Variants in YWHAB observed in about 807,000 individuals in gnomAD.
The protein encoded by YWHAB is 14-3-3 protein beta/alpha.
In YWHAB, 2 loss-of-function variants were observed where a neutral mutation model predicts 28.5. The ratio of observed to expected loss-of-function variants is 0.07; its 90% confidence interval spans 0.03 to 0.22. The LOEUF (loss-of-function observed/expected upper bound fraction) is 0.22, where lower values mean the gene tolerates loss of function less well. Among genes scored for constraint, YWHAB ranks in the 10% least tolerant of loss-of-function variants. The pLI is 1.00. For missense variants in YWHAB, 148 were observed against 297.1 expected, an observed-to-expected ratio of 0.50 and a Z score of 3.69; for synonymous variants, 103 against 104.7, an observed-to-expected ratio of 0.98 and a Z score of 0.10.
At chr20:44,886,755 A>G (rs1413778503) in intron 1 of YWHAB, 4 of 152,184 alleles carry the variant, frequency 2.6e-5, no homozygotes, top group Admixed American at 6.5e-5. Context: ...TTTGCCGCAA[A>G]TGGAGAACTC....
chr20:44,891,179 C>T (rs984207074), intron 1 of YWHAB, among the ~76,000 whole-genome samples: 5 of 151,786 alleles, frequency 3.3e-5, no homozygotes, highest in Non-Finnish European at 2.9e-5. Flanking sequence ...AGTGCAGTGG[C>T]GTGATCTCAG....
chr20:44,891,786 C>T (rs1234199127), intron 1 of YWHAB, among the ~76,000 whole-genome samples: 2 of 152,170 alleles, frequency 1.3e-5, no homozygotes, highest in Admixed American at 1.3e-4. Context: ...CAGTTTCTCT[C>T]CAAATTCAGT....
intron 1 of YWHAB, among the ~76,000 whole-genome samples, chr20:44,888,354 A>G (rs1289479974): frequency 6.6e-6 from 1 of 152,244 alleles, no homozygotes; most frequent in Non-Finnish European, 1.5e-5. Context: ...CTTTAAGCAT[A>G]TTAGCTCAGT....
At chr20:44,894,564 C>G (rs556453041) in intron 1 of YWHAB, among the ~76,000 whole-genome samples, 1 of 152,300 alleles carries the variant, frequency 6.6e-6, no homozygotes, top group African/African-American at 2.4e-5. Flanking sequence ...TAGACTTTTG[C>G]TTTTCCTTCT....
At chr20:44,905,225 T>C (rs1885243151) in intron 4 of YWHAB, 94 bp downstream of exon 4, 1 of 1,357,868 alleles carries the variant, frequency 7.4e-7, no homozygotes, top group Non-Finnish European at 9.9e-7. Context: ...TGTCTTGGAC[T>C]TTTTTTGAAA....
At chr20:44,894,693 A>C (rs935426674) in intron 1 of YWHAB, among the ~76,000 whole-genome samples, 1 of 152,242 alleles carries the variant, frequency 6.6e-6, no homozygotes, top group Admixed American at 6.5e-5. Flanking sequence ...TGCATTTTTC[A>C]AGGAAGATTT....
chr20:44,904,021 A>G lies in YWHAB; in HGVS notation c.329A>G (p.Asn110Ser), dbSNP rs151038182. ...LELLDKYLIP[N>S]ATQPESKVFY... ...CTGTTGGACAAATATCTTATTCCCA[A>G]TGCTACACAACCAGAAAGTAAGGTG... Residue 110 changes from asparagine (N) to serine (S), a missense_variant, in exon 3 of 6, where the codon AAT (asparagine) becomes AGT (serine). By Grantham distance (46) the Asn-to-Ser change is conservative. Around this residue, in one of 2 missense-constraint regions of YWHAB, gnomAD observed 110 missense variants for 177.9 expected, o/e 0.62. Coordinates refer to ENST00000353703, the MANE Select transcript of YWHAB (RefSeq NM_139323.4). 1,378 of 1,599,406 alleles carry G rather than the reference A, an allele frequency of 8.6e-4. 1 individual carries two copies. The highest frequency in any genetic ancestry group is 9.5e-4 in the Non-Finnish European group (1,115 of 1,176,640).
chr20:44,903,777 T>C, intron 2 of YWHAB: 1 of 453,128 alleles, frequency 2.2e-6, no homozygotes, highest in Non-Finnish European at 3.9e-6. Flanking sequence ...ACTTTAATTA[T>C]CCCCTATGGA....
intron 1 of YWHAB, among the ~76,000 whole-genome samples, chr20:44,895,843 A>G (rs968865254): frequency 1.3e-5 from 2 of 152,234 alleles, no homozygotes; most frequent in Admixed American, 6.5e-5. Context: ...TGAAGATTTA[A>G]TATGCTTGTG....
Position 44,907,874 on chromosome 20 carries a change from A to T in YWHAB, c.*1436A>T, listed in dbSNP as rs1246030531. ...AAAAAAGTATTTTTAAATATCCATGATTTCTCCCTGTATTGAGGCTAGCCC... is the reference window on the plus strand; with the variant it reads ...AAAAAAGTATTTTTAAATATCCATGTTTTCTCCCTGTATTGAGGCTAGCCC... On this transcript the variant is annotated 3_prime_UTR_variant, in exon 6 of 6. Transcript: ENST00000353703. 1 of 152,136 alleles carries T rather than the reference A, an allele frequency of 6.6e-6. No homozygotes were observed. The highest frequency in any genetic ancestry group is 1.5e-5 in the Non-Finnish European group (1 of 68,024). 9.4% of individuals were successfully genotyped at this position (152,136 alleles called of 1,614,324 possible).
In YWHAB at chr20:44,906,472, C is replaced by A; in HGVS notation, c.*34C>A. The A allele has an allele frequency of 5.3e-6, 7 of 1,323,264 alleles. No individual in the cohort carries two copies. Among genetic ancestry groups the A allele is most frequent in the Non-Finnish European group, 7.5e-6 (7 of 932,308 alleles). The allele number at this position is 1,323,264 out of a possible 1,614,324, so 82.0% of individuals were successfully genotyped here. A position where few individuals can be genotyped will look rare whatever the true frequency, so the allele number is the denominator to read the frequency against. ...GTGCTTTGTGATCTGTTCAGTGTCA[C>A]TCTGTACCCTCAACATATATCCCTT... On this transcript the variant is annotated 3_prime_UTR_variant, in exon 6 of 6. Transcript: ENST00000353703.
intron 1 of YWHAB, among the ~76,000 whole-genome samples, chr20:44,891,990 T>C (rs1054072148): frequency 6.6e-6 from 1 of 152,226 alleles, no homozygotes; most frequent in African/African-American, 2.4e-5. Flanking sequence ...CAGGAGTGTT[T>C]AACTTTTTCT....
intron 3 of YWHAB, 82 bp downstream of exon 3, chr20:44,904,198 T>G: frequency 6.4e-7 from 1 of 1,557,222 alleles, no homozygotes. Flanking sequence ...ATTTTTGCTT[T>G]GTTCGCCATA....
In YWHAB at chr20:44,904,952, C is replaced by A; in HGVS notation, c.425-16C>A. 1 of 1,568,302 alleles carries A rather than the reference C, an allele frequency of 6.4e-7. No individual in the cohort carries two copies. The highest frequency in any genetic ancestry group is 1.9e-5 in the Admixed American group (1 of 51,538). Reference sequence around the variant, plus strand: ...GAAAGAACCGAGCCTTTAATATTTTCATCTTTATGTTACAGCCACTGTGTC... The same window carrying A: ...GAAAGAACCGAGCCTTTAATATTTTAATCTTTATGTTACAGCCACTGTGTC... On this transcript the variant is annotated splice_polypyrimidine_tract_variant and intron_variant, in intron 3 of 5. Coordinates refer to ENST00000353703, the MANE Select transcript of YWHAB (RefSeq NM_139323.4).
At chr20:44,900,117 C>T (rs1360888443) in intron 1 of YWHAB, among the ~76,000 whole-genome samples, 6 of 151,852 alleles carry the variant, frequency 4.0e-5, no homozygotes, top group East Asian at 1.9e-4. Context: ...GGCACAGTCA[C>T]GGCTCACTGC....
intron 2 of YWHAB, 153 bp downstream of exon 2, chr20:44,901,986 T>C: frequency 1.2e-6 from 1 of 832,134 alleles, no homozygotes; most frequent in Non-Finnish European, 1.7e-6. Context: ...AAGCATATGA[T>C]ATAATTTGTG....
chr20:44,906,318 C>T, intron 5 of YWHAB, 64 bp from the exon 6 acceptor site: 2 of 1,517,164 alleles, frequency 1.3e-6, no homozygotes, highest in Admixed American at 1.7e-5. Flanking sequence ...ATTATACATA[C>T]TGGGCCACTT....
At chr20:44,886,046 G>C (rs1227102694) in intron 1 of YWHAB, 160 bp downstream of exon 1, 1 of 152,220 alleles carries the variant, frequency 6.6e-6, no homozygotes, top group African/African-American at 2.4e-5. Flanking sequence ...GCCAGACCTC[G>C]CAGCGGCCCC....
chr20:44,901,616 T>G lies in YWHAB; in HGVS notation c.83T>G (p.Met28Arg). 1 of 1,614,156 alleles carries G rather than the reference T, an allele frequency of 6.2e-7. No individual in the cohort carries two copies. Among genetic ancestry groups the G allele is most frequent in the Non-Finnish European group, 8.5e-7 (1 of 1,180,004 alleles). The stretch of plus-strand genomic sequence containing the variant: ...CGATATGATGATATGGCTGCAGCCA[T>G]GAAGGCAGTCACAGAACAGGGGCAT... ...AERYDDMAAA[M>R]KAVTEQGHEL... is the part of the protein sequence containing the mutation. Residue 28 changes from methionine to arginine, a missense_variant, in exon 2 of 6, where the codon ATG (methionine) becomes AGG (arginine). This residue lies in a region of YWHAB where 110 missense variants were observed against 177.9 expected (regional missense o/e 0.62). Coordinates refer to ENST00000353703, the MANE Select transcript of YWHAB (RefSeq NM_139323.4).
Sources: allele counts gnomAD v4.1 joint callset (sites outside exome capture counted in the v4.1 genomes callset), GRCh38; gene constraint gnomAD v4.1.1; regional missense constraint gnomAD v4.1.1; transcripts MANE v1.5; gene names NCBI Gene and HGNC (gene_info 2026-07-23, HGNC 2026-07-21).